Variants in TOX observed in about 807,000 individuals in gnomAD.
TOX encodes thymocyte selection-associated high mobility group box protein TOX.
TOX carries 11 observed loss-of-function variants against 53.7 expected under a neutral mutation model. That is an observed-to-expected ratio of 0.20 (90% CI 0.13 to 0.34). TOX has a LOEUF of 0.34. Among genes scored for constraint, TOX ranks in the 10% least tolerant of loss-of-function variants. The pLI is 1.00. For synonymous variants in TOX, 225 were observed against 245.3 expected, an observed-to-expected ratio of 0.92 and a Z score of 0.77; for missense variants, 570 against 664.6, an observed-to-expected ratio of 0.86 and a Z score of 1.56.
At chr8:58,902,419 G>T (rs1342461582) in intron 3 of TOX, among the ~76,000 whole-genome samples, 1 of 152,118 alleles carries the variant, frequency 6.6e-6, no homozygotes. Flanking sequence ...TCCTATAGGA[G>T]AATGATTAGG....
At chr8:58,892,919 G>A (rs1202255926) in intron 3 of TOX, among the ~76,000 whole-genome samples, 1 of 152,124 alleles carries the variant, frequency 6.6e-6, no homozygotes, top group Non-Finnish European at 1.5e-5. Context: ...TAACAAAGAT[G>A]CAGGCAACAA....
intron 2 of TOX, among the ~76,000 whole-genome samples, 175 bp downstream of exon 2, chr8:58,959,768 T>C (rs1248727174): frequency 2.6e-5 from 4 of 152,228 alleles, no homozygotes; most frequent in African/African-American, 9.6e-5. Flanking sequence ...ATGCCAACTC[T>C]GGCGTTTTAT....
At chr8:58,949,812 C>A (rs554896155) in intron 2 of TOX, among the ~76,000 whole-genome samples, 53 of 151,116 alleles carry the variant, frequency 3.5e-4, no homozygotes, top group Non-Finnish European at 6.6e-4. Flanking sequence ...CAGTGTTGGG[C>A]TCTTTCTATA....
intron 1 of TOX, among the ~76,000 whole-genome samples, chr8:59,084,911 T>C (rs781106385): frequency 6.6e-6 from 1 of 152,226 alleles, no homozygotes; most frequent in Non-Finnish European, 1.5e-5. Context: ...AAATACAATT[T>C]TCCAAGTGTA....
intron 1 of TOX, among the ~76,000 whole-genome samples, chr8:59,072,598 C>T (rs989984880): frequency 2.0e-5 from 3 of 152,142 alleles, no homozygotes; most frequent in Non-Finnish European, 2.9e-5. Flanking sequence ...AACATAGCCA[C>T]GTAGTTGCAT....
chr8:58,948,090 G>T (rs370165674), intron 2 of TOX, among the ~76,000 whole-genome samples: 2 of 152,166 alleles, frequency 1.3e-5, no homozygotes, highest in Non-Finnish European at 2.9e-5. Flanking sequence ...ACCAGAACAC[G>T]AGGTCAACTT....
chr8:59,028,061 G>C (rs1215007299), intron 1 of TOX, among the ~76,000 whole-genome samples: 2 of 152,092 alleles, frequency 1.3e-5, no homozygotes, highest in African/African-American at 4.8e-5. Flanking sequence ...CTAAGCATTA[G>C]AACTAACTGC....
At chr8:58,832,958 C>A (rs999227828) in intron 5 of TOX, among the ~76,000 whole-genome samples, 3 of 152,198 alleles carry the variant, frequency 2.0e-5, no homozygotes, top group Non-Finnish European at 4.4e-5. Flanking sequence ...AGTTTCCCTG[C>A]AAGTGAGATC....
At chr8:58,955,366 G>A (rs970223036) in intron 2 of TOX, among the ~76,000 whole-genome samples, 1 of 152,032 alleles carries the variant, frequency 6.6e-6, no homozygotes. Flanking sequence ...ACGGAAAGAA[G>A]AAGGAAGAAA....
At chr8:58,867,507 G>A (rs993765799) in intron 3 of TOX, among the ~76,000 whole-genome samples, 4 of 152,190 alleles carry the variant, frequency 2.6e-5, no homozygotes, top group Non-Finnish European at 5.9e-5. Context: ...TCCCGGACAA[G>A]CCTATTAAAC....
chr8:58,980,367 G>A (rs113820774), intron 1 of TOX, among the ~76,000 whole-genome samples: 5,498 of 152,088 alleles, frequency 0.036, 302 homozygotes, highest in African/African-American at 0.12. Context: ...ATCGCCCTGT[G>A]GTGGCTATCA....
At chr8:58,896,437 G>A (rs1271081690) in intron 3 of TOX, among the ~76,000 whole-genome samples, 1 of 152,076 alleles carries the variant, frequency 6.6e-6, no homozygotes, top group Non-Finnish European at 1.5e-5. Context: ...CAGCACTTTG[G>A]ATGGCTGAAG....
At chr8:58,826,753 T>A in intron 6 of TOX, 69 bp downstream of exon 6, 3 of 1,378,834 alleles carry the variant, frequency 2.2e-6, no homozygotes, top group Non-Finnish European at 3.0e-6. Context: ...TTTTATGCCT[T>A]TAAGTGACTA....
chr8:58,959,097 A>G (rs889933468), intron 2 of TOX, among the ~76,000 whole-genome samples: 1 of 152,178 alleles, frequency 6.6e-6, no homozygotes, highest in African/African-American at 2.4e-5. Flanking sequence ...CATGGTTTTT[A>G]CCATTCTAGA....
intron 1 of TOX, among the ~76,000 whole-genome samples, chr8:59,094,755 A>T (rs545035019): frequency 1.3e-5 from 2 of 152,306 alleles, no homozygotes; most frequent in East Asian, 3.9e-4. Context: ...AATGGGTTTG[A>T]CATTTCTGAA....
intron 3 of TOX, among the ~76,000 whole-genome samples, chr8:58,895,183 G>C (rs1339514925): frequency 1.3e-5 from 2 of 152,156 alleles, no homozygotes; most frequent in African/African-American, 4.8e-5. Context: ...GTGAGACTCT[G>C]TCTCCAAAAT....
intron 3 of TOX, among the ~76,000 whole-genome samples, chr8:58,877,808 CCT>C (rs1196576151): frequency 1.3e-5 from 2 of 151,966 alleles, no homozygotes; most frequent in Admixed American, 1.3e-4. Flanking sequence ...CCAGCAACAA[CCT>C]CTGTTTCATT....
intron 1 of TOX, among the ~76,000 whole-genome samples, chr8:59,011,337 A>G (rs1379640643): frequency 6.6e-6 from 1 of 152,216 alleles, no homozygotes; most frequent in Non-Finnish European, 1.5e-5. Flanking sequence ...TGTGTGGAAG[A>G]TCCCTGCCCT....
chr8:59,108,452 T>A (rs897535), intron 1 of TOX, among the ~76,000 whole-genome samples: 83,655 of 151,932 alleles, frequency 0.55, 24,494 homozygotes, highest in East Asian at 0.85. Context: ...GACTTCATAG[T>A]TCACAACTGC....
Sources: gnomAD v4.1 joint callset for allele counts (sites outside exome capture counted in the v4.1 genomes callset) on GRCh38, gnomAD v4.1.1 for gene constraint, MANE v1.5 for transcripts, NCBI Gene and HGNC (gene_info 2026-07-23, HGNC 2026-07-21) for gene names.